The following ADCY1 variants were observed in gnomAD, a reference collection of about 807,000 sequenced individuals.
ADCY1 encodes adenylate cyclase type 1.
Under a neutral mutation model 105.4 loss-of-function variants are expected in ADCY1, and 28 were observed. The ratio of observed to expected loss-of-function variants is 0.27; its 90% CI spans 0.20 to 0.36. The LOEUF (loss-of-function observed/expected upper bound fraction) is 0.36. Among genes scored for constraint, ADCY1 ranks in the 10% least tolerant of loss-of-function variants. ADCY1 has a pLI of 1.00. For synonymous variants in ADCY1, 655 were observed against 623.8 expected, an observed-to-expected ratio of 1.05 and a Z score of -0.75; for missense variants, 977 against 1,434.2, an observed-to-expected ratio of 0.68 and a Z score of 5.15.
chr7:45,603,015 A>G (rs991890711), intron 2 of ADCY1, among the ~76,000 whole-genome samples: 2 of 152,218 alleles, frequency 1.3e-5, no homozygotes, highest in African/African-American at 2.4e-5. Flanking sequence ...TTCTGTCTCC[A>G]TAGATTTACC....
intron 1 of ADCY1, among the ~76,000 whole-genome samples, chr7:45,582,152 T>A (rs1206661154): frequency 6.6e-6 from 1 of 152,168 alleles, no homozygotes; most frequent in East Asian, 1.9e-4. Context: ...TGATGCACAC[T>A]CGTAAACTAA....
At chr7:45,621,903 A>G (rs964505139) in intron 3 of ADCY1, among the ~76,000 whole-genome samples, 1 of 152,210 alleles carries the variant, frequency 6.6e-6, no homozygotes, top group African/African-American at 2.4e-5. Flanking sequence ...TTTTTTTCTA[A>G]TATTTTCAAA....
intron 4 of ADCY1, among the ~76,000 whole-genome samples, chr7:45,646,688 C>T (rs1794674400): frequency 6.6e-6 from 1 of 152,206 alleles, no homozygotes; most frequent in African/African-American, 2.4e-5. Context: ...GGGCCCCTGC[C>T]ACAGGCTCAT....
At position 45,677,887 on chromosome 7, in the gene ADCY1, G is replaced by A; in HGVS notation, c.1624G>A (p.Ala542Thr). The A allele has an allele frequency of 6.2e-7, 1 of 1,614,058 alleles. No homozygotes were observed. Among genetic ancestry groups the A allele is most frequent in the African/African-American group, 1.3e-5 (1 of 75,030 alleles). Residue 542 changes from alanine (A) to threonine (T), a missense_variant, in exon 9 of 20, where the codon GCC becomes ACC. Physicochemically the swap from Ala to Thr is moderately conservative, Grantham distance 58. Transcript: ENST00000297323. ...GCTCCAGCGGAGGGCATTAAGAACA[G>A]CCTCGGAAAAACTCAGAAACCGCTC... ...DDDKRRALRTASEKLRNRSSF... is the reference protein window; with the variant it reads ...DDDKRRALRTTSEKLRNRSSF...
Position 45,686,160 on chromosome 7 carries a change from G to A in ADCY1, c.2272G>A (p.Gly758Arg). 2 of 1,614,084 alleles carry A rather than the reference G, an allele frequency of 1.2e-6. No homozygotes were observed. Among genetic ancestry groups the A allele is most frequent in the Non-Finnish European group, 1.7e-6 (2 of 1,180,036 alleles). Reference sequence around the variant, plus strand: ...CTTGCCAAAAATGATCCTGCTCTCCGGGCTCACCACGTCCTACATCCTCGT... The same window carrying A: ...CTTGCCAAAAATGATCCTGCTCTCCAGGCTCACCACGTCCTACATCCTCGT... ...SSLPKMILLS[G>R]LTTSYILVLE... The change falls in exon 13 of 20, where the codon GGG (glycine) becomes AGG (arginine). Residue 758 changes from glycine (G) to arginine (R), a missense_variant. This residue lies in a region of ADCY1 where 275 missense variants were observed against 362.1 expected (regional missense o/e 0.76). Coordinates refer to ENST00000297323, the MANE Select transcript of ADCY1 (RefSeq NM_021116.4). This position sits in a 1 kb window ranked among gnomAD's most constrained non-coding sequence, Gnocchi z 4.3.
At chr7:45,609,818 A>G (rs1205239155) in intron 2 of ADCY1, among the ~76,000 whole-genome samples, 1 of 152,152 alleles carries the variant, frequency 6.6e-6, no homozygotes, top group Non-Finnish European at 1.5e-5. Flanking sequence ...GGCATAGTTT[A>G]TTTTGAAAAA....
chr7:45,688,931 T>G (rs1206540915), intron 14 of ADCY1, among the ~76,000 whole-genome samples: 1 of 151,654 alleles, frequency 6.6e-6, no homozygotes, highest in Non-Finnish European at 1.5e-5. Flanking sequence ...CAACTACCAG[T>G]CTACCCGCTG....
intron 1 of ADCY1, among the ~76,000 whole-genome samples, chr7:45,584,375 C>G (rs1217836136): frequency 6.6e-6 from 1 of 152,206 alleles, no homozygotes; most frequent in East Asian, 1.9e-4. Flanking sequence ...GTTGTTTACA[C>G]AACAGGTGGC....
intron 2 of ADCY1, among the ~76,000 whole-genome samples, chr7:45,595,984 G>A (rs1299128412): frequency 6.6e-6 from 1 of 152,258 alleles, no homozygotes; most frequent in East Asian, 1.9e-4. Context: ...GTCTCTTTGG[G>A]ATGGCAGAGG....
At position 45,686,774 on chromosome 7, in the gene ADCY1, G is replaced by C; in HGVS notation, c.2454+101G>C. ...GGGCTGCCACAGACACCCACACGCC[G>C]TATGGCCCTCGGAGGGCCCTCCTCA... On this transcript the variant is annotated intron_variant, in intron 14 of 19. Transcript: ENST00000297323. This position sits in a 1 kb window ranked among gnomAD's most constrained non-coding sequence, Gnocchi z 4.3. 6.8e-7 allele frequency: 1 copy of C among 1,471,098 alleles called. No individual in the cohort carries two copies. The highest frequency in any genetic ancestry group is 1.4e-5 in the African/African-American group (1 of 71,678). The allele number at this position is 1,471,098 out of a possible 1,614,324, so 91.1% of individuals were successfully genotyped here.
At chr7:45,638,481 C>CTTTTTTTTTTT (rs34719678) in intron 4 of ADCY1, among the ~76,000 whole-genome samples, 2 of 132,748 alleles carry the variant, frequency 1.5e-5, no homozygotes, top group African/African-American at 2.8e-5. Flanking sequence ...CAGTTTGCTC[C>CTTTTTTTTTTT]TTTTTTTTTT....
At position 45,574,861 on chromosome 7, in the gene ADCY1, C is replaced by T; in HGVS notation, c.318C>T (p.Leu106=). 1.9e-6 allele frequency: 3 copies of T among 1,611,596 alleles called. No homozygotes were observed. The highest frequency in any genetic ancestry group is 1.7e-5 in the Admixed American group (1 of 60,002). The change falls in exon 1 of 20, where the codon CTC becomes CTT. Residue 106 remains leucine, a synonymous_variant. Coordinates refer to ENST00000297323, the MANE Select transcript of ADCY1 (RefSeq NM_021116.4). This position sits in a 1 kb window ranked among gnomAD's most constrained non-coding sequence, Gnocchi z 7.0. The stretch of plus-strand genomic sequence containing the variant: ...ACTGCGTCCTCTTCCTGGCGCTGCT[C>T]GTGGTAACCAACGTCCGGTCCCTGC... The part of the protein sequence containing the change: ...PVHCVLFLAL[L]VVTNVRSLQV...
chr7:45,605,338 C>T (rs975312237), intron 2 of ADCY1, among the ~76,000 whole-genome samples: 1 of 152,038 alleles, frequency 6.6e-6, no homozygotes, highest in Non-Finnish European at 1.5e-5. Context: ...TCTGAACTTA[C>T]TGCACTAATA....
intron 1 of ADCY1, among the ~76,000 whole-genome samples, chr7:45,577,762 C>T (rs1792392184): frequency 6.6e-6 from 1 of 152,244 alleles, no homozygotes; most frequent in Non-Finnish European, 1.5e-5. Context: ...AGTCTGAGAT[C>T]TCCACAGTGA....
chr7:45,574,813 G>A lies in ADCY1; in HGVS notation c.270G>A (p.Leu90=), dbSNP rs1376676829. The change falls in exon 1 of 20, where the codon CTG becomes CTA. Residue 90 remains leucine (L), a synonymous_variant. Coordinates refer to ENST00000297323, the MANE Select transcript of ADCY1 (RefSeq NM_021116.4). The surrounding 1 kb of genome is among the most constrained non-coding windows in gnomAD (Gnocchi z 7.0). ...LLGAPGPAPG[L]AKGSHPVHCV... ...GCGCGCCGGGGCCCGCGCCCGGCCTGGCCAAGGGCTCACACCCGGTGCACT... is the reference window on the plus strand; with the variant it reads ...GCGCGCCGGGGCCCGCGCCCGGCCTAGCCAAGGGCTCACACCCGGTGCACT... 1 of 1,606,062 alleles carries A rather than the reference G, an allele frequency of 6.2e-7. No homozygotes were observed. The highest frequency in any genetic ancestry group is 1.7e-5 in the Admixed American group (1 of 59,764).
intron 4 of ADCY1, among the ~76,000 whole-genome samples, chr7:45,627,727 A>G (rs1475357829): frequency 5.3e-5 from 8 of 152,182 alleles, no homozygotes; most frequent in Non-Finnish European, 1.0e-4. Flanking sequence ...GAGCAGGGTC[A>G]GTACCTGGGA....
chr7:45,599,129 C>T (rs1016621236), intron 2 of ADCY1, among the ~76,000 whole-genome samples: 1 of 152,138 alleles, frequency 6.6e-6, no homozygotes, highest in Admixed American at 6.5e-5. Context: ...GAACTGAGGT[C>T]CAGGGTGTTT....
intron 6 of ADCY1, among the ~76,000 whole-genome samples, chr7:45,658,723 C>G (rs970181851): frequency 2.0e-5 from 3 of 152,250 alleles, no homozygotes; most frequent in Non-Finnish European, 2.9e-5. Context: ...TGCACAGACA[C>G]TTGCCTTTCT....
chr7:45,590,832 G>C (rs1277957286), intron 1 of ADCY1, among the ~76,000 whole-genome samples: 2 of 152,190 alleles, frequency 1.3e-5, no homozygotes, highest in African/African-American at 4.8e-5. Flanking sequence ...TGTGGTCAGG[G>C]TGGTGCTGTC....
Sources: allele counts gnomAD v4.1 joint callset (sites outside exome capture counted in the v4.1 genomes callset), GRCh38; gene constraint gnomAD v4.1.1; regional missense constraint gnomAD v4.1.1; non-coding constraint Gnocchi (gnomAD v3.1); transcripts MANE v1.5; gene names NCBI Gene and HGNC (gene_info 2026-07-23, HGNC 2026-07-21).